Variants in MOK observed in about 807,000 individuals in gnomAD.
MOK encodes the protein MOK protein kinase.
Under a neutral mutation model 54.2 loss-of-function variants are expected in MOK, and 59 were observed. That is an observed-to-expected ratio of 1.09 (90% CI 0.88 to 1.35). MOK has a LOEUF of 1.35. MOK is among the 40% of genes most tolerant of loss of function. The pLI is 0.00. For missense variants in MOK, 517 were observed against 526.2 expected, an observed-to-expected ratio of 0.98 and a Z score of 0.17; for synonymous variants, 210 against 202.7, an observed-to-expected ratio of 1.04 and a Z score of -0.31.
At chr14:102,258,795 C>A (rs772428521) in intron 4 of MOK, among the ~76,000 whole-genome samples, 1 of 152,162 alleles carries the variant, frequency 6.6e-6, no homozygotes, top group African/African-American at 2.4e-5. Context: ...AGGCTGGGCG[C>A]GGTGGCTCAC....
downstream of MOK, among the ~76,000 whole-genome samples, chr14:102,228,166 A>G (rs546639347): frequency 6.6e-6 from 1 of 152,260 alleles, no homozygotes; most frequent in Admixed American, 6.5e-5. Context: ...GGCACTCAGC[A>G]AACAGCTCAA....
chr14:102,263,815 A>C, intron 3 of MOK, 199 bp from the exon 4 acceptor site: 2 of 428,946 alleles, frequency 4.7e-6, no homozygotes, highest in African/African-American at 2.0e-5. Flanking sequence ...ATACTAGCAA[A>C]ACCCAACTTT....
chr14:102,298,857 G>A (rs1171742755), intron 1 of MOK, among the ~76,000 whole-genome samples: 2 of 152,216 alleles, frequency 1.3e-5, no homozygotes, highest in South Asian at 4.1e-4. Flanking sequence ...CCTGAGGCCA[G>A]CAAGACCACG....
In MOK at chr14:102,245,363, AT is replaced by A. The variant is rs2153103155; in HGVS notation, c.590+5448del. 6.6e-6 allele frequency among the ~76,000 whole-genome samples: 1 copy of A among 151,358 alleles called. No homozygotes were observed. The highest frequency in any genetic ancestry group is 2.0e-4 in the East Asian group (1 of 5,120). On this transcript the variant is annotated intron_variant, in intron 7 of 11. Coordinates refer to ENST00000361847, the MANE Select transcript of MOK (RefSeq NM_014226.3). This position sits in a 1 kb window ranked among gnomAD's most constrained non-coding sequence, Gnocchi z 4.3. ...TTCACTGCCCCAACACTTCAATACT[AT>A]TTTATGTTATTTTTCTTATTAATAT...
Position 102,240,003 on chromosome 14 carries a change from G to A in MOK, c.591-6214C>T, listed in dbSNP as rs1029778725. Among the ~76,000 whole-genome samples the A allele has an allele frequency of 7.9e-5, 12 of 152,136 alleles. No individual in the cohort carries two copies. Among genetic ancestry groups the A allele is most frequent in the Admixed American group, 2.0e-4 (3 of 15,270 alleles). On this transcript the variant is annotated intron_variant, in intron 7 of 11. Coordinates refer to ENST00000361847, the MANE Select transcript of MOK (RefSeq NM_014226.3). The surrounding 1 kb of genome is among the most constrained non-coding windows in gnomAD (Gnocchi z 5.4). The stretch of plus-strand genomic sequence containing the variant: ...CCTGCAGTATACATCCAGATGGCCC[G>A]AAGCAAGTGAAGAATCACAAAAGAA...
downstream of MOK, among the ~76,000 whole-genome samples, chr14:102,228,363 C>CT (rs2064335412): frequency 6.6e-6 from 1 of 152,236 alleles, no homozygotes; most frequent in South Asian, 2.1e-4. Flanking sequence ...GAGGACACGC[C>CT]TGTGTGTGTT....
downstream of MOK, chr14:102,222,928 G>A (rs200682528): frequency 1.2e-4 from 190 of 1,612,302 alleles, no homozygotes; most frequent in African/African-American, 2.4e-3. The surrounding 1 kb of genome is among the most constrained non-coding windows in gnomAD (Gnocchi z 4.4). Flanking sequence ...TTGGACTCGA[G>A]GGAGTGACGA....
chr14:102,221,857 T>C, downstream of MOK, among the ~76,000 whole-genome samples: 1 of 152,188 alleles, frequency 6.6e-6, no homozygotes, highest in East Asian at 1.9e-4. The surrounding 1 kb of genome is among the most constrained non-coding windows in gnomAD (Gnocchi z 4.8). Context: ...GCTGAAGCCT[T>C]CTTCCATGAC....
Position 102,230,168 on chromosome 14 carries a change from CAAGTAG to C in MOK, c.982-517_982-512del, listed in dbSNP as rs2153080998. The C allele has an allele frequency of 6.4e-6, 1 of 157,384 alleles. No homozygotes were observed. Among genetic ancestry groups the C allele is most frequent in the South Asian group, 1.9e-4 (1 of 5,266 alleles). 9.7% of individuals were successfully genotyped at this position (157,384 alleles called of 1,614,324 possible). A position where few individuals can be genotyped will look rare whatever the true frequency, so the allele number is the denominator to read the frequency against. ...AGGCGATCCTCCTGCCTCAGCCTCC[CAAGTAG>C]CTGGGACCAAAGGCACGCACCACAC... is the stretch of plus-strand genomic sequence containing the variant. On this transcript the variant is annotated intron_variant, in intron 10 of 11. Coordinates refer to ENST00000361847, the MANE Select transcript of MOK (RefSeq NM_014226.3). The surrounding 1 kb of genome is among the most constrained non-coding windows in gnomAD (Gnocchi z 4.1).
intron 1 of MOK, among the ~76,000 whole-genome samples, chr14:102,290,076 A>G (rs2070586982): frequency 6.6e-6 from 1 of 150,652 alleles, no homozygotes; most frequent in Non-Finnish European, 1.5e-5. Flanking sequence ...CCCTCTGGGA[A>G]GGGTTTGAGT....
At chr14:102,242,572 A>G (rs1441458004) in intron 7 of MOK, among the ~76,000 whole-genome samples, 9 of 151,884 alleles carry the variant, frequency 5.9e-5, no homozygotes, top group African/African-American at 2.2e-4. Context: ...ATTAAAACCT[A>G]ATCACCCTTA....
At chr14:102,251,401 G>A (rs2066516652) in intron 6 of MOK, 3 of 396,172 alleles carry the variant, frequency 7.6e-6, no homozygotes, top group South Asian at 4.2e-5. Context: ...CAAATTGTAC[G>A]GTTTAAACAC....
At chr14:102,293,507 T>C (rs1488099872) in intron 1 of MOK, among the ~76,000 whole-genome samples, 1 of 151,954 alleles carries the variant, frequency 6.6e-6, no homozygotes, top group African/African-American at 2.4e-5. Flanking sequence ...GAGACCAGCA[T>C]GACCAACATG....
intron 4 of MOK, among the ~76,000 whole-genome samples, chr14:102,255,500 CCCTATTCACAGCCCTAGGG>C (rs1273470087): frequency 1.6e-4 from 24 of 152,070 alleles, no homozygotes; most frequent in Admixed American, 1.3e-3. Context: ...CCTGGAAACT[CCCTATTCACAGCCCTAGGG>C]GTAGGGAGCC....
At chr14:102,228,580 A>AT (rs530007899), downstream of MOK, among the ~76,000 whole-genome samples, 24 of 151,964 alleles carry the variant, frequency 1.6e-4, no homozygotes, top group East Asian at 3.9e-3. Flanking sequence ...CATGCACGTA[A>AT]TCCCAGCTAC....
At chr14:102,224,741 A>G (rs2064171715), downstream of MOK, 1 of 456,068 alleles carries the variant, frequency 2.2e-6, no homozygotes, top group Non-Finnish European at 4.4e-6. Context: ...GCCCCACTCG[A>G]AGGCGCCAGC....
intron 2 of MOK, among the ~76,000 whole-genome samples, chr14:102,275,924 T>C (rs1026496033): frequency 6.6e-6 from 1 of 152,220 alleles, no homozygotes. Flanking sequence ...TTTTCTTTTT[T>C]TCTCCCTTAG....
intron 2 of MOK, among the ~76,000 whole-genome samples, chr14:102,276,210 C>T (rs779983655): frequency 2.0e-5 from 3 of 152,104 alleles, no homozygotes; most frequent in African/African-American, 7.2e-5. Flanking sequence ...ACAGGCCGGG[C>T]GTGGTGGCTC....
intron 2 of MOK, chr14:102,278,566 A>G (rs1038987868): frequency 1.2e-5 from 5 of 424,156 alleles, no homozygotes; most frequent in Non-Finnish European, 2.4e-5. Flanking sequence ...GCAGCTGGGA[A>G]GAACGGTGGG....
Sources: gnomAD v4.1 joint callset for allele counts (sites outside exome capture counted in the v4.1 genomes callset) on GRCh38, gnomAD v4.1.1 for gene constraint, Gnocchi (gnomAD v3.1) non-coding constraint, MANE v1.5 for transcripts, NCBI Gene and HGNC (gene_info 2026-07-23, HGNC 2026-07-21) for gene names.